Variants in DMD observed in about 807,000 individuals in gnomAD.
DMD encodes dystrophin, also known as mutant dystrophin.
A neutral mutation model predicts 330.1 loss-of-function variants in DMD; 63 were observed. The ratio of observed to expected loss-of-function variants is 0.19; its 90% CI spans 0.16 to 0.24. DMD has a LOEUF of 0.24. Among genes scored for constraint, DMD ranks in the 10% least tolerant of loss-of-function variants. The probability of loss-of-function intolerance (pLI) is 1.00; values close to 1 mark genes in which losing one functional copy is unlikely to be tolerated. For missense variants in DMD, 3,344 were observed against 2,684.1 expected (o/e 1.25, Z -5.43); for synonymous variants, 1,223 against 959.8 (o/e 1.27, Z -5.07).
chrX:31,950,848 A>C (rs1354507235), intron 45 of DMD, among the ~76,000 whole-genome samples: 1 of 107,568 alleles, frequency 9.3e-6, no homozygotes, highest in Admixed American at 1.0e-4. Flanking sequence ...TTTTCTTTGA[A>C]ATTATATGGT....
intron 44 of DMD, among the ~76,000 whole-genome samples, chrX:32,039,661 T>C (rs1190229135): frequency 8.9e-6 from 1 of 112,003 alleles, no homozygotes; most frequent in Non-Finnish European, 1.9e-5. Flanking sequence ...TCACAACTCA[T>C]ATTCAAATAT....
chrX:31,511,105 T>C (rs989297635), intron 55 of DMD, among the ~76,000 whole-genome samples: 2 of 110,590 alleles, frequency 1.8e-5, no homozygotes, highest in Non-Finnish European at 3.8e-5. Context: ...AAAAGGAAGG[T>C]AAGTATTGGG....
intron 15 of DMD, among the ~76,000 whole-genome samples, chrX:32,567,702 G>C (rs2051899238): frequency 8.9e-6 from 1 of 112,320 alleles, no homozygotes; most frequent in South Asian, 3.6e-4. Context: ...CAGCCCAATA[G>C]ATAGGTTTTG....
chrX:32,493,940 G>A (rs2043242906), intron 19 of DMD, among the ~76,000 whole-genome samples: 1 of 111,739 alleles, frequency 8.9e-6, no homozygotes, highest in Non-Finnish European at 1.9e-5. Flanking sequence ...CCGATAGACT[G>A]ATGCTGGATT....
chrX:32,765,873 CTTAAT>C (rs2072922842), intron 7 of DMD, among the ~76,000 whole-genome samples: 1 of 111,816 alleles, frequency 8.9e-6, no homozygotes, highest in African/African-American at 3.3e-5. Flanking sequence ...TCCATTTTGA[CTTAAT>C]TTTTGTGTAT....
chrX:32,691,706 G>T (rs2147483420), intron 9 of DMD, among the ~76,000 whole-genome samples: 1 of 111,472 alleles, frequency 9.0e-6, no homozygotes, highest in East Asian at 2.8e-4. Context: ...TACCTGCAAT[G>T]CCATGTTCAT....
At chrX:31,895,889 C>T (rs1448468346) in intron 47 of DMD, among the ~76,000 whole-genome samples, 1 of 111,933 alleles carries the variant, frequency 8.9e-6, no homozygotes, top group Non-Finnish European at 1.9e-5. Flanking sequence ...TTTCATTAAC[C>T]CTATTCTTTC....
At chrX:32,955,180 T>G (rs1427906765) in intron 2 of DMD, among the ~76,000 whole-genome samples, 1 of 112,038 alleles carries the variant, frequency 8.9e-6, no homozygotes, top group African/African-American at 3.2e-5. Context: ...TGCTCCTTTT[T>G]CCCCACAACC....
intron 54 of DMD, among the ~76,000 whole-genome samples, chrX:31,647,686 C>T (rs891168157): frequency 3.6e-5 from 4 of 111,842 alleles, no homozygotes; most frequent in Admixed American, 1.9e-4. Context: ...ATTGTATGAG[C>T]GGCCATAAGT....
chrX:33,304,502 A>G (rs1489071298), intron 1 of DMD, among the ~76,000 whole-genome samples: 2 of 110,905 alleles, frequency 1.8e-5, no homozygotes, highest in African/African-American at 6.5e-5. Context: ...GGACATAGGC[A>G]TAGGCAAGGA....
intron 42 of DMD, 75 bp from the exon 43 acceptor site, chrX:32,287,776 T>TAC (rs1336234703): frequency 7.2e-6 from 5 of 694,106 alleles, no homozygotes; most frequent in Non-Finnish European, 1.0e-5. Flanking sequence ...TATATATATA[T>TAC]ACAAATCCCA....
intron 2 of DMD, among the ~76,000 whole-genome samples, chrX:32,892,700 C>T (rs896275788): frequency 3.9e-4 from 44 of 111,812 alleles, no homozygotes; most frequent in African/African-American, 1.4e-3. Flanking sequence ...CCTCTAATGC[C>T]CCCTTTCTTT....
intron 1 of DMD, among the ~76,000 whole-genome samples, chrX:33,210,187 G>C (rs2051818665): frequency 9.0e-6 from 1 of 110,610 alleles, no homozygotes; most frequent in African/African-American, 3.3e-5. Context: ...CATGGACAAT[G>C]TTAACTTATT....
At chrX:32,761,043 T>A (rs2072216001) in intron 7 of DMD, among the ~76,000 whole-genome samples, 1 of 111,654 alleles carries the variant, frequency 9.0e-6, no homozygotes, top group Admixed American at 9.5e-5. Flanking sequence ...CTCTCTCAAG[T>A]GATTGCAATG....
chrX:32,785,915 A>T (rs749349747), intron 7 of DMD, among the ~76,000 whole-genome samples: 2 of 110,997 alleles, frequency 1.8e-5, no homozygotes, highest in South Asian at 7.4e-4. Context: ...CAAATACTCA[A>T]ATGCCCAATC....
intron 55 of DMD, among the ~76,000 whole-genome samples, chrX:31,592,643 CTCTT>C (rs2076932784): frequency 9.1e-6 from 1 of 109,720 alleles, no homozygotes; most frequent in Non-Finnish European, 1.9e-5. Flanking sequence ...TTACCCAAGG[CTCTT>C]TTTTTGCTAC....
rs1603629421 is a variant in DMD at position 32,257,916 on chromosome X, C to T, written c.6290+29613G>A. On this transcript the variant is annotated intron_variant, in intron 43 of 78. Coordinates refer to ENST00000357033, the MANE Select transcript of DMD (RefSeq NM_004006.3). ...TGGGAGAAAATTTTTGCAATCTATA[C>T]ATCTGACAAAGGGCTAATACCCGGA... is the stretch of plus-strand genomic sequence containing the variant. 5.5e-5 allele frequency among the ~76,000 whole-genome samples: 6 copies of T among 110,055 alleles called. 1 individual carries two copies. The highest frequency in any genetic ancestry group is 1.9e-5 in the Non-Finnish European group (1 of 52,691).
intron 7 of DMD, among the ~76,000 whole-genome samples, chrX:32,762,189 C>CA (rs1393929329): frequency 3.8e-5 from 4 of 104,832 alleles, no homozygotes; most frequent in Admixed American, 1.0e-4. Context: ...TCAAAAAAAA[C>CA]AAAAAAACCC....
intron 60 of DMD, among the ~76,000 whole-genome samples, chrX:31,366,921 A>G (rs776811341): frequency 9.1e-6 from 1 of 109,536 alleles, no homozygotes; most frequent in African/African-American, 3.3e-5. Flanking sequence ...TTCTCCATCC[A>G]TATCTCTAAA....
Sources: gnomAD v4.1 joint callset for allele counts (sites outside exome capture counted in the v4.1 genomes callset) on GRCh38, gnomAD v4.1.1 for gene constraint, MANE v1.5 for transcripts, NCBI Gene and HGNC (gene_info 2026-07-23, HGNC 2026-07-21) for gene names.